CNNM2: variants seen among roughly 807,000 people sequenced by gnomAD.
CNNM2 encodes metal transporter CNNM2.
Under a neutral mutation model 66.9 loss-of-function variants are expected in CNNM2, and 12 were observed. The observed-to-expected ratio is 0.18, with a 90% CI of 0.11 to 0.29. The LOEUF is 0.29. Among genes scored for constraint, CNNM2 ranks in the 10% least tolerant of loss-of-function variants. CNNM2 has a pLI of 1.00. For synonymous variants in CNNM2, 557 were observed against 501.8 expected (o/e 1.11, Z -1.47); for missense variants, 705 against 1,167.7 (o/e 0.60, Z 5.77).
intron 1 of CNNM2, among the ~76,000 whole-genome samples, chr10:102,951,188 C>T (rs963823407): frequency 3.3e-5 from 5 of 151,706 alleles, no homozygotes; most frequent in African/African-American, 1.2e-4. Context: ...CAGAGTTTTA[C>T]TATATTGGCC....
intron 5 of CNNM2, among the ~76,000 whole-genome samples, chr10:103,069,544 C>T (rs919768209): frequency 2.0e-5 from 3 of 152,124 alleles, no homozygotes; most frequent in African/African-American, 4.8e-5. Flanking sequence ...TGCCTGTGGC[C>T]GGCTCTTGTC....
Position 103,080,760 on chromosome 10 carries a change from A to G in CNNM2, c.*3580A>G, listed in dbSNP as rs1214369747. ...CCAGCTTTTCCAAGCCTAGGAAAAT[A>G]ATGGTAGATACAAATAGAAATACAT... is the stretch of plus-strand genomic sequence containing the variant. On this transcript the variant is annotated 3_prime_UTR_variant, in exon 8 of 8. Transcript: ENST00000369878. 1 of 152,246 alleles carries G rather than the reference A, an allele frequency of 6.6e-6. No individual in the cohort carries two copies. Among genetic ancestry groups the G allele is most frequent in the Non-Finnish European group, 1.5e-5 (1 of 68,038 alleles). 9.4% of individuals were successfully genotyped at this position (152,246 alleles called of 1,614,324 possible).
At chr10:103,016,571 A>G (rs1157968154) in intron 1 of CNNM2, among the ~76,000 whole-genome samples, 1 of 152,152 alleles carries the variant, frequency 6.6e-6, no homozygotes, top group African/African-American at 2.4e-5. Flanking sequence ...GTCATTTGCA[A>G]TACTTATTTG....
chr10:103,044,271 A>G (rs938781111), intron 1 of CNNM2, among the ~76,000 whole-genome samples: 2 of 151,792 alleles, frequency 1.3e-5, no homozygotes, highest in Non-Finnish European at 2.9e-5. Context: ...GAAAGGTCCT[A>G]TTTGAGCTCG....
intron 1 of CNNM2, among the ~76,000 whole-genome samples, chr10:103,036,513 G>A (rs1416218875): frequency 6.6e-6 from 1 of 152,154 alleles, no homozygotes; most frequent in African/African-American, 2.4e-5. Context: ...AACACATTGG[G>A]AGAAGCCAAA....
At chr10:102,991,122 G>A (rs956227750) in intron 1 of CNNM2, among the ~76,000 whole-genome samples, 8 of 152,122 alleles carry the variant, frequency 5.3e-5, no homozygotes, top group African/African-American at 1.9e-4. Flanking sequence ...GAGTAGCTGG[G>A]ATTACAGGCG....
At chr10:102,929,252 C>G (rs781035230) in intron 1 of CNNM2, among the ~76,000 whole-genome samples, 17 of 151,698 alleles carry the variant, frequency 1.1e-4, no homozygotes, top group Non-Finnish European at 2.9e-5. Flanking sequence ...GAGCGAGACT[C>G]TGTCTCAAAA....
chr10:102,964,295 C>T (rs1421841960), intron 1 of CNNM2, among the ~76,000 whole-genome samples: 1 of 151,420 alleles, frequency 6.6e-6, no homozygotes, highest in African/African-American at 2.4e-5. Context: ...GTGGCACCAT[C>T]TCGGCTCACT....
At chr10:102,938,460 A>G (rs1009734670) in intron 1 of CNNM2, among the ~76,000 whole-genome samples, 1 of 151,180 alleles carries the variant, frequency 6.6e-6, no homozygotes, top group African/African-American at 2.4e-5. Context: ...TGGAAAAAAA[A>G]AAAGAAAAAA....
intron 1 of CNNM2, among the ~76,000 whole-genome samples, chr10:103,023,734 A>C (rs2064640918): frequency 6.6e-6 from 1 of 152,198 alleles, no homozygotes; most frequent in Non-Finnish European, 1.5e-5. Flanking sequence ...TCCATTAAAC[A>C]ACAAAGTCAG....
At chr10:102,999,649 T>C (rs1218781472) in intron 1 of CNNM2, among the ~76,000 whole-genome samples, 1 of 150,566 alleles carries the variant, frequency 6.6e-6, no homozygotes, top group Non-Finnish European at 1.5e-5. Context: ...AGGCTGCCCT[T>C]CCCCCCCCAC....
chr10:102,998,206 G>A (rs2064040579), intron 1 of CNNM2, among the ~76,000 whole-genome samples: 1 of 152,196 alleles, frequency 6.6e-6, no homozygotes, highest in East Asian at 1.9e-4. Flanking sequence ...AGGCAGTGGT[G>A]TGGGTGTTCA....
intron 1 of CNNM2, among the ~76,000 whole-genome samples, chr10:102,972,044 C>T (rs996390432): frequency 2.0e-5 from 3 of 152,012 alleles, no homozygotes; most frequent in Non-Finnish European, 4.4e-5. Flanking sequence ...TACAATTGAT[C>T]GTTTCTTATT....
chr10:102,986,619 T>TTA (rs1554895492), intron 1 of CNNM2, among the ~76,000 whole-genome samples: 1 of 147,210 alleles, frequency 6.8e-6, no homozygotes, highest in Non-Finnish European at 1.5e-5. Flanking sequence ...TGTCTCTACT[T>TTA]AAAAAAAAAA....
At chr10:103,025,902 C>T (rs2064692285) in intron 1 of CNNM2, among the ~76,000 whole-genome samples, 4 of 152,178 alleles carry the variant, frequency 2.6e-5, no homozygotes, top group South Asian at 4.2e-4. Context: ...GTTCATGTGG[C>T]GAAACTTAAT....
At chr10:102,941,435 G>A (rs1285924311) in intron 1 of CNNM2, among the ~76,000 whole-genome samples, 2 of 146,136 alleles carry the variant, frequency 1.4e-5, no homozygotes, top group South Asian at 2.2e-4. Flanking sequence ...AGTCAAAATA[G>A]CCAGCATAAA....
At chr10:103,058,375 GATA>G (rs984260683) in intron 4 of CNNM2, among the ~76,000 whole-genome samples, 1 of 152,130 alleles carries the variant, frequency 6.6e-6, no homozygotes, top group African/African-American at 2.4e-5. Flanking sequence ...AGAAACTCTG[GATA>G]CATCAAAGAC....
At chr10:102,954,619 C>T (rs961879132) in intron 1 of CNNM2, among the ~76,000 whole-genome samples, 2 of 152,064 alleles carry the variant, frequency 1.3e-5, no homozygotes, top group African/African-American at 4.8e-5. Context: ...ACATCTTGGC[C>T]TCCTGGGTGA....
At chr10:102,991,651 A>T (rs2063899606) in intron 1 of CNNM2, among the ~76,000 whole-genome samples, 2 of 152,214 alleles carry the variant, frequency 1.3e-5, no homozygotes, top group Non-Finnish European at 2.9e-5. Context: ...GGCCACTCTG[A>T]ACTAGCATAA....
Sources: allele counts gnomAD v4.1 joint callset (sites outside exome capture counted in the v4.1 genomes callset), GRCh38; gene constraint gnomAD v4.1.1; transcripts MANE v1.5; gene names NCBI Gene and HGNC (gene_info 2026-07-23, HGNC 2026-07-21).